Variants in EEFSEC observed in about 807,000 individuals in gnomAD.
EEFSEC encodes eukaryotic elongation factor, selenocysteine-tRNA specific, also known as selenocysteine-specific elongation factor.
In EEFSEC, 43 loss-of-function variants were observed where a neutral mutation model predicts 42.1. That is an observed-to-expected ratio of 1.02 (90% CI 0.80 to 1.32). The LOEUF (loss-of-function observed/expected upper bound fraction) is 1.32. EEFSEC is among the 40% of genes most tolerant of loss of function. The pLI is 0.00. For synonymous variants in EEFSEC, 354 were observed against 339.1 expected, an observed-to-expected ratio of 1.04 and a Z score of -0.48; for missense variants, 745 against 803.6, an observed-to-expected ratio of 0.93 and a Z score of 0.88.
chr3:128,265,797 C>T (rs1205662239), intron 4 of EEFSEC, among the ~76,000 whole-genome samples: 2 of 152,016 alleles, frequency 1.3e-5, no homozygotes, highest in Non-Finnish European at 1.5e-5. Context: ...AGAAACAGAA[C>T]CAATGGGAGA....
intron 2 of EEFSEC, among the ~76,000 whole-genome samples, chr3:128,255,186 AG>A (rs1386555172): frequency 2.0e-5 from 3 of 151,954 alleles, no homozygotes; most frequent in Non-Finnish European, 4.4e-5. Context: ...GTCAGTATGC[AG>A]GGGAAGAGTT....
intron 4 of EEFSEC, among the ~76,000 whole-genome samples, chr3:128,280,703 A>C (rs2066516541): frequency 6.6e-6 from 1 of 152,152 alleles, no homozygotes; most frequent in South Asian, 2.1e-4. Context: ...CTGGGCCCTC[A>C]AGCTGGGGCT....
At chr3:128,367,317 T>G (rs2067601727) in intron 6 of EEFSEC, among the ~76,000 whole-genome samples, 1 of 152,240 alleles carries the variant, frequency 6.6e-6, no homozygotes, top group African/African-American at 2.4e-5. Context: ...GGCAGCCACA[T>G]GCATGCTGTG....
chr3:128,237,622 G>A (rs766613984), intron 1 of EEFSEC, among the ~76,000 whole-genome samples: 2 of 152,176 alleles, frequency 1.3e-5, no homozygotes, highest in South Asian at 2.1e-4. Context: ...CCAGCTCTGC[G>A]GGTGTTTTGC....
At position 128,308,279 on chromosome 3, in the gene EEFSEC, A is replaced by G. The variant is rs117261707; in HGVS notation, c.787-32954A>G. The stretch of plus-strand genomic sequence containing the variant: ...ACTGGAAGAGCCAAGTCATCCTGGC[A>G]GGGGCCAAGGCTCTGACCTCAGTCC... On this transcript the variant is annotated intron_variant, in intron 4 of 6. Transcript: ENST00000254730. Among the ~76,000 whole-genome samples the G allele has an allele frequency of 1.9e-3, 296 of 152,316 alleles. 4 individuals carry two copies. The East Asian group carries it at 0.02, about 10-fold the overall frequency.
intron 6 of EEFSEC, among the ~76,000 whole-genome samples, chr3:128,400,750 G>A (rs779484258): frequency 6.6e-6 from 1 of 152,222 alleles, no homozygotes; most frequent in Admixed American, 6.5e-5. Flanking sequence ...CAATTTGCCG[G>A]CCTTTGATGG....
intron 5 of EEFSEC, among the ~76,000 whole-genome samples, chr3:128,350,372 G>T (rs367880948): frequency 6.6e-6 from 1 of 152,218 alleles, no homozygotes; most frequent in Non-Finnish European, 1.5e-5. Flanking sequence ...AAGCCATGCT[G>T]TGGTCTAGCT....
intron 4 of EEFSEC, among the ~76,000 whole-genome samples, chr3:128,308,584 T>G (rs2066856959): frequency 6.6e-6 from 1 of 152,228 alleles, no homozygotes; most frequent in Admixed American, 6.5e-5. Context: ...TTACCCCTCA[T>G]GCCAATAGCT....
chr3:128,174,896 AAGAGCATTGCAATTATGCAAG>A (rs1448980752), intron 1 of EEFSEC, among the ~76,000 whole-genome samples: 4 of 152,234 alleles, frequency 2.6e-5, no homozygotes, highest in Non-Finnish European at 5.9e-5. Flanking sequence ...GACAGCAGGA[AAGAGCATTGCAATTATGCAAG>A]AGCTATGTTT....
the EEFSEC span, among the ~76,000 whole-genome samples, chr3:128,418,243 G>A: frequency 4.6e-5 from 7 of 151,826 alleles, no homozygotes; most frequent in Admixed American, 6.6e-5. Flanking sequence ...ACGGCCCCTC[G>A]GTAAGTGCAG....
intron 5 of EEFSEC, among the ~76,000 whole-genome samples, chr3:128,346,015 A>C (rs1576657811): frequency 6.6e-6 from 1 of 152,238 alleles, no homozygotes; most frequent in Admixed American, 6.5e-5. Flanking sequence ...CGTGATGTAA[A>C]TATGTGATGC....
At chr3:128,253,617 A>G (rs966647578) in intron 2 of EEFSEC, among the ~76,000 whole-genome samples, 1 of 151,518 alleles carries the variant, frequency 6.6e-6, no homozygotes, top group East Asian at 1.9e-4. Flanking sequence ...TCTCTTCCTC[A>G]GTGTTATTTT....
intron 2 of EEFSEC, among the ~76,000 whole-genome samples, chr3:128,260,175 C>T (rs2066283499): frequency 6.6e-6 from 1 of 151,736 alleles, no homozygotes; most frequent in Non-Finnish European, 1.5e-5. Context: ...ATATATTATC[C>T]TGATACCTTC....
intron 1 of EEFSEC, among the ~76,000 whole-genome samples, chr3:128,230,164 C>T (rs999234350): frequency 1.7e-4 from 21 of 125,468 alleles, no homozygotes; most frequent in Admixed American, 1.2e-3. Context: ...TATTTTCTTT[C>T]GAGACAAGAT....
intron 6 of EEFSEC, among the ~76,000 whole-genome samples, chr3:128,381,099 A>G (rs1050878538): frequency 3.3e-5 from 5 of 152,110 alleles, no homozygotes; most frequent in African/African-American, 9.7e-5. Flanking sequence ...GGCTCTTGCT[A>G]TGGGGTGAAG....
At chr3:128,289,918 C>T (rs1287634216) in intron 4 of EEFSEC, among the ~76,000 whole-genome samples, 1 of 152,196 alleles carries the variant, frequency 6.6e-6, no homozygotes, top group African/African-American at 2.4e-5. Flanking sequence ...TTCTTTTACA[C>T]ATTTTTATAT....
chr3:128,227,311 AC>A (rs199637271), intron 1 of EEFSEC, among the ~76,000 whole-genome samples: 1 of 146,796 alleles, frequency 6.8e-6, no homozygotes, highest in Non-Finnish European at 1.5e-5. Flanking sequence ...TCCTCCCCCT[AC>A]CCCCCCACTC....
chr3:128,366,352 A>G (rs1004445954), intron 6 of EEFSEC, among the ~76,000 whole-genome samples: 1 of 152,236 alleles, frequency 6.6e-6, no homozygotes, highest in Non-Finnish European at 1.5e-5. Flanking sequence ...TGAGGCTGAG[A>G]CAATGTCAGC....
intron 2 of EEFSEC, among the ~76,000 whole-genome samples, chr3:128,249,752 C>T (rs2066165136): frequency 6.6e-6 from 1 of 152,150 alleles, no homozygotes; most frequent in Admixed American, 6.5e-5. Flanking sequence ...CTTATTGTAA[C>T]ATGTGTCAGA....
Sources: gnomAD v4.1 joint callset for allele counts (sites outside exome capture counted in the v4.1 genomes callset) on GRCh38, gnomAD v4.1.1 for gene constraint, MANE v1.5 for transcripts, NCBI Gene and HGNC (gene_info 2026-07-23, HGNC 2026-07-21) for gene names.